Variants in NLRP13 observed in about 807,000 individuals in gnomAD.
The protein encoded by NLRP13 is NACHT, LRR and PYD domains-containing protein 13.
A neutral mutation model predicts 94.4 loss-of-function variants in NLRP13; 82 were observed. The observed-to-expected ratio is 0.87, with a 90% CI of 0.73 to 1.04. The LOEUF (loss-of-function observed/expected upper bound fraction) is 1.04, where lower values mean the gene tolerates loss of function less well. Among genes scored for constraint, NLRP13 ranks in the 50% least tolerant of loss-of-function variants. NLRP13 has a pLI of 0.00. For synonymous variants in NLRP13, 553 were observed against 464.7 expected (o/e 1.19, Z -2.45); for missense variants, 1,426 against 1,230.8 (o/e 1.16, Z -2.37).
At chr19:55,923,137 T>C (rs529795472) in intron 4 of NLRP13, among the ~76,000 whole-genome samples, 2 of 152,220 alleles carry the variant, frequency 1.3e-5, no homozygotes, top group South Asian at 2.1e-4. Context: ...CAGATGCCTA[T>C]TAATTCACCT....
At chr19:55,910,858 G>T in intron 5 of NLRP13, 125 bp from the exon 6 acceptor site, 1 of 863,658 alleles carries the variant, frequency 1.2e-6, no homozygotes, top group African/African-American at 1.7e-5. Flanking sequence ...ATGTGGCTGG[G>T]TGCAGTGGCT....
In NLRP13 at chr19:55,912,996, C is replaced by A. The variant is rs768510676; in HGVS notation, c.821G>T (p.Arg274Met). The A allele has an allele frequency of 1.3e-5, 21 of 1,613,986 alleles. No homozygotes were observed. Among genetic ancestry groups the A allele is most frequent in the Non-Finnish European group, 1.8e-5 (21 of 1,180,006 alleles). ...YVFYLSCHKI[R>M]YMKETTFAEL... ...AGCAAAGGTAGTTTCCTTCATGTAC[C>A]TTATTTTATGGCAGCTGAGATAGAA... Residue 274 changes from arginine to methionine, a missense_variant, in exon 5 of 11, where the codon AGG (arginine) becomes ATG (methionine). Arg to Met is a moderately conservative substitution (Grantham distance 91, BLOSUM62 -1). Coordinates refer to ENST00000342929, the MANE Select transcript of NLRP13 (RefSeq NM_176810.2).
At position 55,902,097 on chromosome 19, in the gene NLRP13, G is replaced by C. The variant is rs369814529; in HGVS notation, c.2727C>G (p.Asp909Glu). 8 of 1,614,000 alleles carry C rather than the reference G, an allele frequency of 5.0e-6. No homozygotes were observed. Among genetic ancestry groups the C allele is most frequent in the African/African-American group, 1.3e-5 (1 of 74,902 alleles). Residue 909 changes from aspartate to glutamate, a missense_variant, in exon 9 of 11, where the codon GAC becomes GAG. Coordinates refer to ENST00000342929, the MANE Select transcript of NLRP13 (RefSeq NM_176810.2). Reference sequence around the variant, plus strand: ...CCTCACACAGGAACTTGACTCCCTCGTCTCTCAGGCTGTTCTTGCTCAGAT... The same window carrying C: ...CCTCACACAGGAACTTGACTCCCTCCTCTCTCAGGCTGTTCTTGCTCAGAT... ...HLNLSKNSLR[D>E]EGVKFLCEAL... is the part of the protein sequence containing the mutation.
Position 55,913,039 on chromosome 19 carries a change from G to A in NLRP13, c.778C>T (p.Gln260Ter). 1.2e-6 allele frequency: 2 copies of A among 1,614,070 alleles called. No homozygotes were observed. Among genetic ancestry groups the A allele is most frequent in the Non-Finnish European group, 1.7e-6 (2 of 1,179,986 alleles). The change falls in exon 5 of 11, where the codon CAA (glutamine) becomes TAA (stop). Residue 260 changes from glutamine to a stop codon, truncating the protein, a stop_gained. Transcript: ENST00000342929. LOFTEE classifies it high-confidence loss of function. ...LHWANGVLFQ[Q>*]RFSYVFYLSC... ...AGATAGAAAACATAGGAGAACCTTT[G>A]CTGAAAGAGAACTCCATTTGCCCAG...
chr19:55,905,095 A>G lies in NLRP13; in HGVS notation c.2465T>C (p.Leu822Ser). ...LKYLCLEKCN[L>S]SAASCQDLAL... ...TAGGTCCTGACAGCTGGCTGCCGAC[A>G]AGTTGCATTTCTCCAGGCTGTGGAA... Residue 822 changes from leucine (L) to serine (S), a missense_variant, in exon 8 of 11, where the codon TTG (leucine) becomes TCG (serine). Coordinates refer to ENST00000342929, the MANE Select transcript of NLRP13 (RefSeq NM_176810.2). 6.2e-7 allele frequency: 1 copy of G among 1,613,742 alleles called. No individual in the cohort carries two copies.
In NLRP13 at chr19:55,898,873, G is replaced by A; in HGVS notation, c.2854C>T (p.His952Tyr). 6.2e-7 allele frequency: 1 copy of A among 1,613,968 alleles called. No individual in the cohort carries two copies. Among genetic ancestry groups the A allele is most frequent in the Non-Finnish European group, 8.5e-7 (1 of 1,179,922 alleles). Residue 952 changes from histidine (H) to tyrosine (Y), a missense_variant, in exon 10 of 11, where the codon CAT becomes TAT. Transcript: ENST00000342929. ...GELANALSHN[H>Y]NVKILDLGEN... ...CCCAAATCCAAGATTTTCACATTATGATTATGGCTGAGGGCATTAGCCAGC... is the reference window on the plus strand; with the variant it reads ...CCCAAATCCAAGATTTTCACATTATAATTATGGCTGAGGGCATTAGCCAGC...
At chr19:55,929,545 T>C (rs910122249) in intron 1 of NLRP13, among the ~76,000 whole-genome samples, 4 of 152,172 alleles carry the variant, frequency 2.6e-5, no homozygotes, top group Admixed American at 6.5e-5. Flanking sequence ...AAACACCGCA[T>C]GTTCTCATTC....
At chr19:55,916,993 GC>G (rs1229935329) in intron 4 of NLRP13, among the ~76,000 whole-genome samples, 1 of 152,118 alleles carries the variant, frequency 6.6e-6, no homozygotes, top group Non-Finnish European at 1.5e-5. Context: ...CACCTATGAA[GC>G]AAAACCCATC....
At chr19:55,924,326 T>A (rs1424026719) in intron 3 of NLRP13, among the ~76,000 whole-genome samples, 3 of 152,114 alleles carry the variant, frequency 2.0e-5, no homozygotes, top group Non-Finnish European at 2.9e-5. Flanking sequence ...TTTCATCATG[T>A]TGGCAAGGCT....
downstream of NLRP13, chr19:55,892,203 CG>C (rs1985869590): frequency 9.4e-7 from 1 of 1,059,806 alleles, no homozygotes; most frequent in South Asian, 4.8e-5. Context: ...CAGGGGAACA[CG>C]TACAGGTTTG....
At chr19:55,928,834 C>G (rs1449776687) in intron 1 of NLRP13, among the ~76,000 whole-genome samples, 2 of 152,118 alleles carry the variant, frequency 1.3e-5, no homozygotes, top group Non-Finnish European at 2.9e-5. Flanking sequence ...AAGAAACTGT[C>G]ACCAGAGTGT....
At chr19:55,899,783 A>G (rs1401947435) in intron 9 of NLRP13, among the ~76,000 whole-genome samples, 2 of 152,188 alleles carry the variant, frequency 1.3e-5, no homozygotes, top group Non-Finnish European at 2.9e-5. Flanking sequence ...CTGTTTAAAA[A>G]AAATTTTGAC....
chr19:55,897,842 G>A (rs560824122), intron 10 of NLRP13, among the ~76,000 whole-genome samples: 7 of 152,222 alleles, frequency 4.6e-5, no homozygotes, highest in South Asian at 2.1e-4. Context: ...AATTTGAGTC[G>A]GTTCATTTGA....
At chr19:55,907,244 C>T (rs1478862588) in intron 7 of NLRP13, among the ~76,000 whole-genome samples, 2 of 152,136 alleles carry the variant, frequency 1.3e-5, no homozygotes, top group African/African-American at 4.8e-5. Context: ...AGGCATGAGC[C>T]ACCACACCTG....
intron 8 of NLRP13, among the ~76,000 whole-genome samples, chr19:55,902,488 G>T (rs2123108957): frequency 1.3e-5 from 2 of 152,256 alleles, no homozygotes; most frequent in South Asian, 4.1e-4. Context: ...AGGCTCCAAG[G>T]CTCTGGAGCC....
intron 3 of NLRP13, 94 bp downstream of exon 3, chr19:55,924,496 T>C: frequency 1.2e-6 from 1 of 859,116 alleles, no homozygotes; most frequent in Non-Finnish European, 1.9e-6. Context: ...GTACCATAAA[T>C]TCAAGAAATT....
At chr19:55,918,761 G>T (rs924275247) in intron 4 of NLRP13, among the ~76,000 whole-genome samples, 10 of 152,070 alleles carry the variant, frequency 6.6e-5, no homozygotes, top group Non-Finnish European at 1.5e-5. Context: ...CCCAGTACCA[G>T]ATGTATTTCA....
At chr19:55,929,578 G>T (rs1327682190) in intron 1 of NLRP13, among the ~76,000 whole-genome samples, 4 of 152,118 alleles carry the variant, frequency 2.6e-5, no homozygotes, top group Non-Finnish European at 5.9e-5. Context: ...TGGACAATGA[G>T]AACACATGGA....
chr19:55,924,676 GA>G lies in NLRP13; in HGVS notation c.389-19del, dbSNP rs779156198. ...CATATTCCCTGAAATAAACATTGACGATGAGATATGAAAATACCCCAGAGTG... is the reference window on the plus strand; with the variant it reads ...CATATTCCCTGAAATAAACATTGACGTGAGATATGAAAATACCCCAGAGTG... On this transcript the variant is annotated intron_variant, in intron 2 of 10. Coordinates refer to ENST00000342929, the MANE Select transcript of NLRP13 (RefSeq NM_176810.2). The G allele has an allele frequency of 6.2e-7, 1 of 1,606,038 alleles. No individual in the cohort carries two copies. Among genetic ancestry groups the G allele is most frequent in the Non-Finnish European group, 8.5e-7 (1 of 1,172,898 alleles).
Sources: gnomAD v4.1 joint callset for allele counts (sites outside exome capture counted in the v4.1 genomes callset) on GRCh38, gnomAD v4.1.1 for gene constraint, MANE v1.5 for transcripts, NCBI Gene and HGNC (gene_info 2026-07-23, HGNC 2026-07-21) for gene names.